Variants in SCD observed in about 807,000 individuals in gnomAD.
SCD encodes the protein stearoyl-CoA desaturase, also known as acyl-CoA desaturase.
In SCD, 4 loss-of-function variants were observed where a neutral mutation model predicts 35.7. The ratio of observed to expected loss-of-function variants is 0.11; its 90% CI spans 0.06 to 0.26. The LOEUF (loss-of-function observed/expected upper bound fraction) is 0.26, where lower values mean the gene tolerates loss of function less well. SCD is among the 10% of genes least tolerant of loss of function. SCD has a pLI of 1.00. For synonymous variants in SCD, 150 were observed against 170.2 expected (o/e 0.88, Z 0.92); for missense variants, 282 against 460.7 (o/e 0.61, Z 3.55).
At chr10:100,358,598 CA>C (rs547927999) in intron 5 of SCD, among the ~76,000 whole-genome samples, 1,089 of 78,576 alleles carry the variant, frequency 0.014, 8 homozygotes, top group Middle Eastern at 0.019. Context: ...GACTCCGTCT[CA>C]AAAAAAAAAA....
At position 100,352,287 on chromosome 10, in the gene SCD, T is replaced by G. The variant is rs1849880301; in HGVS notation, c.311-79T>G. The G allele has an allele frequency of 1.4e-6, 2 of 1,440,226 alleles. No homozygotes were observed. Among genetic ancestry groups the G allele is most frequent in the East Asian group, 4.6e-5 (2 of 43,502 alleles). 89.2% of individuals were successfully genotyped at this position (1,440,226 alleles called of 1,614,324 possible). On this transcript the variant is annotated intron_variant, in intron 2 of 5. Coordinates refer to ENST00000370355, the MANE Select transcript of SCD (RefSeq NM_005063.5). The surrounding 1 kb of genome is among the most constrained non-coding windows in gnomAD (Gnocchi z 4.2). ...AGCCTGACGAAGACAGTTTCTAGCA[T>G]CCAGAGAGTGTCTCTGGCATCCTTT...
At chr10:100,357,837 T>C (rs755028882) in intron 5 of SCD, among the ~76,000 whole-genome samples, 29 of 152,134 alleles carry the variant, frequency 1.9e-4, no homozygotes, top group Non-Finnish European at 3.1e-4. Context: ...TTTCCTTAAA[T>C]AGATCTGGCG....
rs1264357488 is a variant in SCD, at chr10:100,354,484, C to T, written c.499C>T (p.His167Tyr). 1 of 1,614,040 alleles carries T rather than the reference C, an allele frequency of 6.2e-7. No homozygotes were observed. The highest frequency in any genetic ancestry group is 1.1e-5 in the South Asian group (1 of 91,076). The change falls in exon 4 of 6, where the codon CAT (histidine) becomes TAT (tyrosine). Residue 167 changes from histidine (H) to tyrosine (Y), a missense_variant. Around this residue, in one of 2 missense-constraint regions of SCD, gnomAD observed 205 missense variants for 372.3 expected, o/e 0.55. Coordinates refer to ENST00000370355, the MANE Select transcript of SCD (RefSeq NM_005063.5). ...HRAHHKFSET[H>Y]ADPHNSRRGF... ...TGCCCACCACAAGTTTTCAGAAACA[C>T]ATGCTGATCCTCATAATTCCCGACG...
rs942595846 is a variant in SCD, at chr10:100,352,367, G to A, written c.312G>A (p.Gly104=). Residue 104 remains glycine (G), a splice_region_variant and synonymous_variant, in exon 3 of 6, where the codon GGG becomes GGA. Transcript: ENST00000370355. This position sits in a 1 kb window ranked among gnomAD's most constrained non-coding sequence, Gnocchi z 4.2. ...PTCKFYTWLW[G]VFYYFVSALG... Reference sequence around the variant, plus strand: ...TCCCCCACTGTCTTCTCCTGGCAGGGGTATTCTACTATTTTGTCAGTGCCC... The same window carrying A: ...TCCCCCACTGTCTTCTCCTGGCAGGAGTATTCTACTATTTTGTCAGTGCCC... 1 of 1,613,356 alleles carries A rather than the reference G, an allele frequency of 6.2e-7. No homozygotes were observed. The highest frequency in any genetic ancestry group is 8.5e-7 in the Non-Finnish European group (1 of 1,179,928).
Position 100,362,955 on chromosome 10 carries a change from G to A in SCD, c.*2022G>A, listed in dbSNP as rs11557934. 5,240 of 152,428 alleles carry A rather than the reference G, an allele frequency of 0.034. 108 individuals are homozygous for A. Among genetic ancestry groups the A allele is most frequent in the Non-Finnish European group, 0.054 (3,657 of 68,106 alleles). The allele number at this position is 152,428 out of a possible 1,614,324, so 9.4% of individuals were successfully genotyped here. A position where few individuals can be genotyped will look rare whatever the true frequency, so the allele number is the denominator to read the frequency against. On this transcript the variant is annotated 3_prime_UTR_variant, in exon 6 of 6. Coordinates refer to ENST00000370355, the MANE Select transcript of SCD (RefSeq NM_005063.5). ...AATGCCCCCTGCTTACTTGGTGAGG[G>A]TGCCCCGCCTGAGTCAGTGCTCTCA...
chr10:100,360,648 T>C, intron 5 of SCD, 86 bp from the exon 6 acceptor site: 1 of 1,121,538 alleles, frequency 8.9e-7, no homozygotes. Context: ...CTCCCAGGTG[T>C]GAGGTACCCT....
At chr10:100,350,432 T>C (rs1243100411) in intron 2 of SCD, among the ~76,000 whole-genome samples, 1 of 151,996 alleles carries the variant, frequency 6.6e-6, no homozygotes, top group Non-Finnish European at 1.5e-5. Context: ...CATTTTGGAG[T>C]CTCCCAAAGA....
chr10:100,357,482 C>A (rs947169656), intron 5 of SCD, among the ~76,000 whole-genome samples: 10 of 152,104 alleles, frequency 6.6e-5, no homozygotes, highest in African/African-American at 2.4e-4. Flanking sequence ...CCTCTTGTCT[C>A]CTCTTGTCCT....
Position 100,348,121 on chromosome 10 carries a change from C to A in SCD, c.85C>A (p.Gln29Lys). Residue 29 changes from glutamine to lysine, a missense_variant, in exon 2 of 6, where the codon CAG becomes AAG. Physicochemically the swap from Gln to Lys is moderately conservative, Grantham distance 53. Around this residue, in one of 2 missense-constraint regions of SCD, gnomAD observed 77 missense variants for 88.4 expected, o/e 0.87. Transcript: ENST00000370355. ...TITAPPSRVLQNGGDKLETMP... is the reference protein window; with the variant it reads ...TITAPPSRVLKNGGDKLETMP... ...TACAGCGCCTCCCTCCAGGGTCCTG[C>A]AGAATGGAGGAGATAAGTTGGAGAC... is the stretch of plus-strand genomic sequence containing the variant. 1 of 1,613,782 alleles carries A rather than the reference C, an allele frequency of 6.2e-7. No homozygotes were observed. The highest frequency in any genetic ancestry group is 8.5e-7 in the Non-Finnish European group (1 of 1,179,778).
chr10:100,348,332 A>G lies in SCD; in HGVS notation c.296A>G (p.Tyr99Cys), dbSNP rs1333305110. ...GITLIPTCKF[Y>C]TWLWGVFYYF... ...ACTTTGATTCCTACCTGCAAGTTCT[A>G]CACCTGGCTTTGGGGTAAGCAGCCT... Residue 99 changes from tyrosine (Y) to cysteine (C), a missense_variant, in exon 2 of 6, where the codon TAC becomes TGC. Tyr to Cys is a radical substitution (Grantham distance 194). Coordinates refer to ENST00000370355, the MANE Select transcript of SCD (RefSeq NM_005063.5). The G allele has an allele frequency of 1.2e-6, 2 of 1,613,712 alleles. No homozygotes were observed. Among genetic ancestry groups the G allele is most frequent in the East Asian group, 4.5e-5 (2 of 44,870 alleles).
chr10:100,358,569 G>A (rs1306146541), intron 5 of SCD, among the ~76,000 whole-genome samples: 2 of 140,354 alleles, frequency 1.4e-5, no homozygotes, highest in African/African-American at 2.6e-5. Flanking sequence ...TCCGCAGTCC[G>A]GCCTGGGCGA....
At chr10:100,348,376 G>C (rs199572369) in intron 2 of SCD, 30 bp downstream of exon 2, 1 of 1,601,302 alleles carries the variant, frequency 6.2e-7, no homozygotes, top group Non-Finnish European at 8.5e-7. Flanking sequence ...TCCTGACCTA[G>C]TCCTCCAGGT....
chr10:100,352,265 C>A lies in SCD; in HGVS notation c.311-101C>A, dbSNP rs927345130. On this transcript the variant is annotated intron_variant, in intron 2 of 5. Transcript: ENST00000370355. This position sits in a 1 kb window ranked among gnomAD's most constrained non-coding sequence, Gnocchi z 4.2. ...GGTAAAGCCAGTTCTCACCCAAAGC[C>A]TGACGAAGACAGTTTCTAGCATCCA... 3 of 1,241,886 alleles carry A rather than the reference C, an allele frequency of 2.4e-6. No individual in the cohort carries two copies. Among genetic ancestry groups the A allele is most frequent in the African/African-American group, 3.0e-5 (2 of 67,064 alleles). 76.9% of individuals were successfully genotyped at this position (1,241,886 alleles called of 1,614,324 possible).
In SCD at chr10:100,362,017, A is replaced by G. The variant is rs960221714; in HGVS notation, c.*1084A>G. 3 of 152,202 alleles carry G rather than the reference A, an allele frequency of 2.0e-5. No homozygotes were observed. Among genetic ancestry groups the G allele is most frequent in the African/African-American group, 7.2e-5 (3 of 41,446 alleles). 9.4% of individuals were successfully genotyped at this position (152,202 alleles called of 1,614,324 possible). A position where few individuals can be genotyped will look rare whatever the true frequency, so the allele number is the denominator to read the frequency against. On this transcript the variant is annotated 3_prime_UTR_variant, in exon 6 of 6. Transcript: ENST00000370355. ...AAGTCGGGTCAAAAATAAAATATATATACATATATACATTGCTTAGAACGT... is the reference window on the plus strand; with the variant it reads ...AAGTCGGGTCAAAAATAAAATATATGTACATATATACATTGCTTAGAACGT...
intron 1 of SCD, 23 bp from the exon 2 acceptor site, chr10:100,348,039 ACT>A: frequency 6.2e-7 from 1 of 1,602,566 alleles, no homozygotes. Context: ...TCTTCTCCTG[ACT>A]CTCCTCTTCC....
At position 100,356,884 on chromosome 10, in the gene SCD, A is replaced by C; in HGVS notation, c.880+120A>C. ...GGCTACTTTGTATCTCAGTTTTTCC[A>C]CTATAAAATTAGGGGGCAGTATACT... On this transcript the variant is annotated intron_variant, in intron 5 of 5. Coordinates refer to ENST00000370355, the MANE Select transcript of SCD (RefSeq NM_005063.5). The surrounding 1 kb of genome is among the most constrained non-coding windows in gnomAD (Gnocchi z 4.1). 1 of 773,948 alleles carries C rather than the reference A, an allele frequency of 1.3e-6. No homozygotes were observed. The highest frequency in any genetic ancestry group is 2.1e-6 in the Non-Finnish European group (1 of 473,222). 47.9% of individuals were successfully genotyped at this position (773,948 alleles called of 1,614,324 possible).
chr10:100,347,988 G>C (rs948289951), intron 1 of SCD, 76 bp from the exon 2 acceptor site: 16 of 1,433,214 alleles, frequency 1.1e-5, no homozygotes, highest in Middle Eastern at 1.8e-4. Flanking sequence ...TTCCCCCAGC[G>C]TGATTAGAGA....
At position 100,355,816 on chromosome 10, in the gene SCD, G is replaced by A. The variant is rs183196789; in HGVS notation, c.648-716G>A. Among the ~76,000 whole-genome samples the A allele has an allele frequency of 5.3e-5, 8 of 152,330 alleles. No individual in the cohort carries two copies. In the East Asian group the frequency reaches 1.5e-3, roughly 29 times the overall value. On this transcript the variant is annotated intron_variant, in intron 4 of 5. Transcript: ENST00000370355. ...GGTCTACATTGAGAATGAAGACTGA[G>A]AAAGGGCTTCCTGAGGGACAGAGAG...
At chr10:100,350,212 G>A (rs968502183) in intron 2 of SCD, among the ~76,000 whole-genome samples, 2 of 151,938 alleles carry the variant, frequency 1.3e-5, no homozygotes, top group African/African-American at 2.4e-5. Flanking sequence ...TGTCGATGTG[G>A]GGATATCAGA....
Sources: allele counts gnomAD v4.1 joint callset (sites outside exome capture counted in the v4.1 genomes callset), GRCh38; gene constraint gnomAD v4.1.1; regional missense constraint gnomAD v4.1.1; non-coding constraint Gnocchi (gnomAD v3.1); transcripts MANE v1.5; gene names NCBI Gene and HGNC (gene_info 2026-07-23, HGNC 2026-07-21).